Variants in RASSF4 observed in about 807,000 individuals in gnomAD.
The protein encoded by RASSF4 is ras association domain-containing protein 4.
In RASSF4, 38 loss-of-function variants were observed where a neutral mutation model predicts 41.1. The observed-to-expected ratio is 0.92, with a 90% CI of 0.71 to 1.21. RASSF4 has a LOEUF of 1.21. RASSF4 is among the 50% of genes most tolerant of loss of function. The pLI is 0.00. For missense variants in RASSF4, 414 were observed against 419.4 expected (o/e 0.99, Z 0.11); for synonymous variants, 179 against 163.4 (o/e 1.10, Z -0.73).
At chr10:44,986,302 A>G (rs1302280445) in intron 6 of RASSF4, among the ~76,000 whole-genome samples, 1 of 152,244 alleles carries the variant, frequency 6.6e-6, no homozygotes, top group African/African-American at 2.4e-5. Flanking sequence ...TGTGTCTGGT[A>G]CATTAAACCT....
At chr10:44,965,408 A>T (rs1453569143) in intron 1 of RASSF4, among the ~76,000 whole-genome samples, 2 of 152,214 alleles carry the variant, frequency 1.3e-5, no homozygotes, top group African/African-American at 4.8e-5. Context: ...TACAGATGCA[A>T]ATTTTCCCAC....
At position 44,984,038 on chromosome 10, in the gene RASSF4, C is replaced by A; in HGVS notation, c.298C>A (p.Gln100Lys). The A allele has an allele frequency of 6.2e-7, 1 of 1,602,584 alleles. No homozygotes were observed. Among genetic ancestry groups the A allele is most frequent in the Non-Finnish European group, 8.5e-7 (1 of 1,174,848 alleles). The change falls in exon 5 of 11, where the codon CAG becomes AAG. Residue 100 changes from glutamine to lysine, a missense_variant. Gln to Lys is a moderately conservative substitution (Grantham distance 53). Transcript: ENST00000340258. ...PSCPLKEPSP[Q>K]NGNITAQGPS... ...TGTTTTCAGAAAGGAGCCATCGCCC[C>A]AGAACGGGAACATCACAGCCCAGGG...
At chr10:44,963,756 C>T (rs1183175982) in intron 1 of RASSF4, among the ~76,000 whole-genome samples, 1 of 152,196 alleles carries the variant, frequency 6.6e-6, no homozygotes, top group African/African-American at 2.4e-5. Flanking sequence ...AATGTGAAAA[C>T]AGAGGTAACC....
At chr10:44,970,095 G>A in intron 1 of RASSF4, 70 bp from the exon 2 acceptor site, 1 of 876,832 alleles carries the variant, frequency 1.1e-6, no homozygotes, top group Non-Finnish European at 1.9e-6. Flanking sequence ...CAGGGCTGCG[G>A]GTGTTGGGTG....
chr10:44,978,020 C>T (rs757249362), intron 3 of RASSF4: 40 of 1,608,840 alleles, frequency 2.5e-5, no homozygotes, highest in African/African-American at 5.4e-5. Context: ...GAGCAGAAGC[C>T]GGGACCTCAT....
intron 5 of RASSF4, chr10:44,984,332 T>G (rs941741279): frequency 5.1e-6 from 3 of 584,220 alleles, no homozygotes; most frequent in Non-Finnish European, 9.1e-6. Flanking sequence ...GAGGTGACAG[T>G]GACAGTGTGG....
At chr10:44,991,654 C>G (rs1463638898) in intron 9 of RASSF4, among the ~76,000 whole-genome samples, 2 of 152,218 alleles carry the variant, frequency 1.3e-5, no homozygotes, top group African/African-American at 4.8e-5. Context: ...TGCTGCTGTA[C>G]TGAATGCTCT....
chr10:44,977,934 G>A (rs780577877), intron 3 of RASSF4: 2 of 1,612,570 alleles, frequency 1.2e-6, no homozygotes, highest in Non-Finnish European at 1.7e-6. Context: ...CTAGGAGAGG[G>A]TGGGGGCTCC....
At chr10:44,977,401 A>G (rs761588193) in intron 3 of RASSF4, 14 of 1,581,716 alleles carry the variant, frequency 8.9e-6, no homozygotes, top group Non-Finnish European at 1.2e-5. Flanking sequence ...GTCAGAGTTC[A>G]TGGATCACCG....
intron 4 of RASSF4, chr10:44,983,765 CTG>C (rs775228460): frequency 2.7e-4 from 142 of 529,986 alleles, no homozygotes; most frequent in Non-Finnish European, 4.3e-4. Flanking sequence ...GTCCGTGTGT[CTG>C]TGCGATGCAG....
Position 44,991,021 on chromosome 10 carries a change from C to T in RASSF4, c.759C>T (p.Ala253=), listed in dbSNP as rs1242874287. The T allele has an allele frequency of 1.9e-6, 3 of 1,613,624 alleles. No homozygotes were observed. Among genetic ancestry groups the T allele is most frequent in the South Asian group, 2.2e-5 (2 of 91,066 alleles). Residue 253 remains alanine, a synonymous_variant, in exon 9 of 11, where the codon GCC becomes GCT. Transcript: ENST00000340258. ...RILHGPCEKI[A]RIFLMEADLG... is the part of the protein sequence containing the mutation. ...TGCATGGGCCATGTGAGAAGATCGCCAGGATCTTCCTGATGGAAGCTGACT... is the reference window on the plus strand; with the variant it reads ...TGCATGGGCCATGTGAGAAGATCGCTAGGATCTTCCTGATGGAAGCTGACT...
intron 3 of RASSF4, chr10:44,978,880 A>G (rs1841577772): frequency 6.6e-6 from 1 of 152,260 alleles, no homozygotes; most frequent in African/African-American, 2.4e-5. Flanking sequence ...GAGGGCCAAA[A>G]ATAGCCTGCT....
At chr10:44,971,539 C>CGTGA in intron 2 of RASSF4, 1 of 666,150 alleles carries the variant, frequency 1.5e-6, no homozygotes, top group East Asian at 2.9e-5. Flanking sequence ...AGGCCTGTCC[C>CGTGA]GTGAGTCTCG....
intron 5 of RASSF4, 177 bp from the exon 6 acceptor site, chr10:44,984,636 C>T: frequency 7.0e-6 from 5 of 714,122 alleles, no homozygotes; most frequent in South Asian, 3.5e-5. Flanking sequence ...GTCTGGGTCT[C>T]ACCTTCCTAT....
rs769312178 is a variant in RASSF4, at chr10:44,991,968, G to A, written c.871G>A (p.Glu291Lys). The A allele has an allele frequency of 4.4e-5, 71 of 1,612,454 alleles. No homozygotes were observed. The highest frequency in any genetic ancestry group is 5.7e-5 in the Non-Finnish European group (67 of 1,178,684). Residue 291 changes from glutamate (E) to lysine (K), a missense_variant, in exon 10 of 11, where the codon GAG (glutamate) becomes AAG (lysine). Physicochemically the swap from Glu to Lys is moderately conservative, Grantham distance 56. Coordinates refer to ENST00000340258, the MANE Select transcript of RASSF4 (RefSeq NM_032023.4). ...CAGTTTTGTTGAAAAATTAAAAGAA[G>A]AGGAAGAAAGAGAAATAATCAAACT... ...LDSFVEKLKEEEEREIIKLTM... is the reference protein window; with the variant it reads ...LDSFVEKLKEKEEREIIKLTM...
At position 44,989,686 on chromosome 10, in the gene RASSF4, G is replaced by A. The variant is rs1222767323; in HGVS notation, c.650G>A (p.Ser217Asn). Residue 217 changes from serine to asparagine, a missense_variant, in exon 8 of 11, where the codon AGT becomes AAT. Transcript: ENST00000340258. Reference sequence around the variant, plus strand: ...CCTGTGCAGGTGGAAGATGGCCCCAGTGAGTTCGCACTCTACATCGTTCAC... The same window carrying A: ...CCTGTGCAGGTGGAAGATGGCCCCAATGAGTTCGCACTCTACATCGTTCAC... Reference protein sequence around the residue: ...LNKFRVEDGPSEFALYIVHES... With the variant: ...LNKFRVEDGPNEFALYIVHES... The A allele has an allele frequency of 6.2e-7, 1 of 1,614,202 alleles. No homozygotes were observed. Among genetic ancestry groups the A allele is most frequent in the South Asian group, 1.1e-5 (1 of 91,084 alleles).
intron 1 of RASSF4, among the ~76,000 whole-genome samples, chr10:44,960,238 G>T (rs898684778): frequency 6.6e-6 from 1 of 152,190 alleles, no homozygotes; most frequent in South Asian, 2.1e-4. Context: ...GAAATCGAAC[G>T]CCAAGATAAT....
At position 44,994,848 on chromosome 10, in the gene RASSF4, T is replaced by C. The variant is rs1842239517; in HGVS notation, c.*1519T>C. 1 of 152,138 alleles carries C rather than the reference T, an allele frequency of 6.6e-6. No individual in the cohort carries two copies. Among genetic ancestry groups the C allele is most frequent in the Admixed American group, 6.5e-5 (1 of 15,290 alleles). 9.4% of individuals were successfully genotyped at this position (152,138 alleles called of 1,614,324 possible). On this transcript the variant is annotated 3_prime_UTR_variant, in exon 11 of 11. Coordinates refer to ENST00000340258, the MANE Select transcript of RASSF4 (RefSeq NM_032023.4). Reference sequence around the variant, plus strand: ...GCAGAAGAGCCACAACTCGCTGCTCTAGGAGCCGACATGACTCCTTCATTT... The same window carrying C: ...GCAGAAGAGCCACAACTCGCTGCTCCAGGAGCCGACATGACTCCTTCATTT...
chr10:44,986,540 A>T lies in RASSF4; in HGVS notation c.531+1570A>T, dbSNP rs1323100290. 2.6e-5 allele frequency among the ~76,000 whole-genome samples: 4 copies of T among 152,248 alleles called. No individual in the cohort carries two copies. In the East Asian group the frequency reaches 7.7e-4, roughly 29 times the overall value. On this transcript the variant is annotated intron_variant, in intron 6 of 10. Coordinates refer to ENST00000340258, the MANE Select transcript of RASSF4 (RefSeq NM_032023.4). Reference sequence around the variant, plus strand: ...AGATTTGCCCTTGCAATGTGAATCCATTCTTCCAGAAAAAAGTACTGCTTT... The same window carrying T: ...AGATTTGCCCTTGCAATGTGAATCCTTTCTTCCAGAAAAAAGTACTGCTTT...
Sources: allele counts gnomAD v4.1 joint callset (sites outside exome capture counted in the v4.1 genomes callset), GRCh38; gene constraint gnomAD v4.1.1; transcripts MANE v1.5; gene names NCBI Gene and HGNC (gene_info 2026-07-23, HGNC 2026-07-21).